The following HS6ST2 variants were observed in gnomAD, a reference collection of about 807,000 sequenced individuals.
HS6ST2 encodes the protein heparan sulfate 6-O-sulfotransferase 2.
HS6ST2 carries 17 observed loss-of-function variants against 33.0 expected under a neutral mutation model. The ratio of observed to expected loss-of-function variants is 0.52; its 90% CI spans 0.35 to 0.77. HS6ST2 has a LOEUF of 0.77. HS6ST2 is among the 30% of genes least tolerant of loss of function. The pLI, the probability that HS6ST2 is intolerant of heterozygous loss-of-function variation, is 0.01. For synonymous variants in HS6ST2, 248 were observed against 237.1 expected, an observed-to-expected ratio of 1.05 and a Z score of -0.42; for missense variants, 519 against 551.7, an observed-to-expected ratio of 0.94 and a Z score of 0.59.
chrX:132,802,169 G>T (rs2065241721), intron 2 of HS6ST2, among the ~76,000 whole-genome samples: 1 of 112,112 alleles, frequency 8.9e-6, no homozygotes, highest in African/African-American at 3.2e-5. Flanking sequence ...GCCATAAGTG[G>T]TACTACAGAA....
intron 2 of HS6ST2, among the ~76,000 whole-genome samples, chrX:132,898,381 T>TTATATATATATATATATA (rs10545986): frequency 2.2e-4 from 20 of 89,200 alleles, no homozygotes; most frequent in African/African-American, 6.4e-4. Flanking sequence ...CAACATAAGG[T>TTATATATATATATATATA]TATATATATA....
chrX:132,806,329 C>G (rs149222652), intron 2 of HS6ST2, among the ~76,000 whole-genome samples: 1,707 of 110,309 alleles, frequency 0.015, 45 homozygotes, highest in African/African-American at 0.052. Context: ...TCTCATTTGT[C>G]TTACATGGAC....
chrX:132,768,103 G>T (rs2064865427), intron 2 of HS6ST2, among the ~76,000 whole-genome samples: 1 of 110,672 alleles, frequency 9.0e-6, no homozygotes, highest in African/African-American at 3.3e-5. Flanking sequence ...TTGGGAGGCT[G>T]AGGCAGGCAG....
At chrX:132,843,147 A>G (rs769503102) in intron 2 of HS6ST2, among the ~76,000 whole-genome samples, 16 of 111,989 alleles carry the variant, frequency 1.4e-4, no homozygotes, top group Non-Finnish European at 3.0e-4. Flanking sequence ...TAAATTCTTC[A>G]TAAGTATTAT....
chrX:132,916,631 G>C (rs1271016826), intron 2 of HS6ST2, among the ~76,000 whole-genome samples: 1 of 112,205 alleles, frequency 8.9e-6, no homozygotes, highest in African/African-American at 3.2e-5. Flanking sequence ...GGAATTAGCT[G>C]ACTTCCTAGT....
chrX:132,883,746 A>C (rs1286239791), intron 2 of HS6ST2, among the ~76,000 whole-genome samples: 1 of 111,273 alleles, frequency 9.0e-6, no homozygotes, highest in Non-Finnish European at 1.9e-5. Context: ...GCAGGACTTC[A>C]GCAGCTCCAA....
chrX:132,813,353 T>C (rs2065367220), intron 2 of HS6ST2, among the ~76,000 whole-genome samples: 1 of 111,617 alleles, frequency 9.0e-6, no homozygotes, highest in Admixed American at 9.6e-5. Context: ...CTTGGTCCTC[T>C]TGCTACCTCT....
At chrX:132,652,131 C>T (rs2063697814) in intron 4 of HS6ST2, among the ~76,000 whole-genome samples, 1 of 111,774 alleles carries the variant, frequency 8.9e-6, no homozygotes, top group Non-Finnish European at 1.9e-5. Context: ...TTGGAGGGCT[C>T]TGCAGGCACA....
At chrX:132,959,558 C>T (rs1278717212), upstream of HS6ST2, among the ~76,000 whole-genome samples, 2 of 112,248 alleles carry the variant, frequency 1.8e-5, no homozygotes, top group African/African-American at 6.5e-5. Flanking sequence ...GGGCATGTCC[C>T]TCCTGGAGAC....
intron 2 of HS6ST2, among the ~76,000 whole-genome samples, chrX:132,916,846 G>C (rs948127228): frequency 9.0e-6 from 1 of 111,657 alleles, no homozygotes; most frequent in African/African-American, 3.3e-5. Context: ...TGGCTTCCTT[G>C]CTCCTCAGCT....
At chrX:132,900,644 G>T (rs2066418400) in intron 2 of HS6ST2, among the ~76,000 whole-genome samples, 1 of 111,163 alleles carries the variant, frequency 9.0e-6, no homozygotes, top group South Asian at 3.8e-4. Flanking sequence ...AGGCTGAGAA[G>T]AGGAAAATTA....
intron 1 of HS6ST2, 60 bp from the exon 2 acceptor site, chrX:132,957,386 C>G: frequency 2.8e-6 from 3 of 1,069,900 alleles, no homozygotes; most frequent in Admixed American, 3.3e-5. Context: ...TCGTCGTGCC[C>G]CCGCACCGCC....
intron 2 of HS6ST2, among the ~76,000 whole-genome samples, chrX:132,822,702 A>G (rs767568583): frequency 8.9e-5 from 10 of 112,314 alleles, no homozygotes; most frequent in Non-Finnish European, 1.7e-4. Context: ...GTTGTTATTT[A>G]CAGCATATTA....
chrX:132,957,567 C>G (rs2067097469), intron 1 of HS6ST2, among the ~76,000 whole-genome samples: 1 of 109,975 alleles, frequency 9.1e-6, no homozygotes, highest in South Asian at 4.1e-4. Flanking sequence ...CTCCTTCCCG[C>G]GGGCCGTTCG....
At chrX:132,709,519 C>T (rs1488299838) in intron 2 of HS6ST2, among the ~76,000 whole-genome samples, 2 of 110,740 alleles carry the variant, frequency 1.8e-5, no homozygotes, top group Non-Finnish European at 3.8e-5. Flanking sequence ...AGCCCCCTTT[C>T]CCTGTTTCTG....
intron 2 of HS6ST2, among the ~76,000 whole-genome samples, chrX:132,814,405 AT>A (rs1294552912): frequency 8.9e-6 from 1 of 112,441 alleles, no homozygotes; most frequent in Non-Finnish European, 1.9e-5. Flanking sequence ...TGATCAATTT[AT>A]ATCACCTGTC....
chrX:132,857,374 C>T (rs1228086672), intron 2 of HS6ST2, among the ~76,000 whole-genome samples: 1 of 109,163 alleles, frequency 9.2e-6, no homozygotes, highest in African/African-American at 3.3e-5. Flanking sequence ...ATCCCAGCTA[C>T]TCAGGAGGCT....
At chrX:132,653,750 C>G (rs991259894) in intron 4 of HS6ST2, among the ~76,000 whole-genome samples, 2 of 111,761 alleles carry the variant, frequency 1.8e-5, no homozygotes, top group Non-Finnish European at 3.8e-5. Flanking sequence ...ACTGAATAAG[C>G]AACTCTGTTA....
At chrX:132,909,534 A>G (rs1267466319) in intron 2 of HS6ST2, among the ~76,000 whole-genome samples, 1 of 111,994 alleles carries the variant, frequency 8.9e-6, no homozygotes, top group Non-Finnish European at 1.9e-5. Context: ...TAAAAACAAA[A>G]CTTTAAGATT....
Sources: gnomAD v4.1 joint callset for allele counts (sites outside exome capture counted in the v4.1 genomes callset) on GRCh38, gnomAD v4.1.1 for gene constraint, MANE v1.5 for transcripts, NCBI Gene and HGNC (gene_info 2026-07-23, HGNC 2026-07-21) for gene names.